Variants in FBXO5 observed in about 807,000 individuals in gnomAD.
FBXO5 encodes the protein F-box protein 5.
Under a neutral mutation model 43.3 loss-of-function variants are expected in FBXO5, and 8 were observed. The observed-to-expected ratio is 0.18, with a 90% CI of 0.11 to 0.33. The LOEUF (loss-of-function observed/expected upper bound fraction) is 0.33. Ranked by LOEUF, FBXO5 falls within the 10% of genes least tolerant of loss-of-function variation. The probability of loss-of-function intolerance (pLI) is 1.00; values close to 1 mark genes in which losing one functional copy is unlikely to be tolerated. For missense variants in FBXO5, 491 were observed against 535.7 expected (o/e 0.92, Z 0.82); for synonymous variants, 204 against 193.7 (o/e 1.05, Z -0.44).
rs1778112099 is a variant in FBXO5, at chr6:152,973,075, A to G, written c.880T>C (p.Leu294=). The G allele has an allele frequency of 6.2e-7, 1 of 1,613,956 alleles. No individual in the cohort carries two copies. The highest frequency in any genetic ancestry group is 1.3e-5 in the African/African-American group (1 of 75,028). Residue 294 remains leucine, a synonymous_variant, in exon 3 of 5, where the codon TTG becomes CTG. Coordinates refer to ENST00000229758, the MANE Select transcript of FBXO5 (RefSeq NM_012177.5). ...ILEDDKGAFQ[L]YSKAIQRVTE... ...ACTCTTTGTATTGCTTTACTGTACAACTGGAATGCCCCCTTATCATCTTCT... is the reference window on the plus strand; with the variant it reads ...ACTCTTTGTATTGCTTTACTGTACAGCTGGAATGCCCCCTTATCATCTTCT...
intron 2 of FBXO5, 84 bp downstream of exon 2, chr6:152,974,822 GC>G: frequency 9.6e-7 from 1 of 1,038,066 alleles, no homozygotes; most frequent in Non-Finnish European, 1.4e-6. Context: ...CTGTACAACA[GC>G]CTTTGCATGA....
At chr6:152,972,975 T>C (rs1335539733) in intron 3 of FBXO5, 71 bp downstream of exon 3, 20 of 1,271,136 alleles carry the variant, frequency 1.6e-5, no homozygotes, top group African/African-American at 4.4e-5. Context: ...AGATTACCTC[T>C]TTTCTTTTCT....
chr6:152,981,763 TTAAG>T (rs928651845), intron 1 of FBXO5, among the ~76,000 whole-genome samples: 10 of 152,082 alleles, frequency 6.6e-5, no homozygotes, highest in African/African-American at 1.9e-4. Flanking sequence ...AAAATTAAAA[TTAAG>T]TATTTTTTTC....
intron 3 of FBXO5, 124 bp from the exon 4 acceptor site, chr6:152,972,578 G>A (rs751135397): frequency 1.8e-5 from 12 of 678,928 alleles, no homozygotes; most frequent in South Asian, 6.8e-5. Context: ...ATCCCTACAT[G>A]CAATTTACCT....
intron 1 of FBXO5, among the ~76,000 whole-genome samples, chr6:152,982,302 A>G (rs570818669): frequency 1.3e-3 from 195 of 152,260 alleles, no homozygotes; most frequent in Non-Finnish European, 2.0e-3. Flanking sequence ...GGCGGGAGAT[A>G]ACCGCGAGCG....
chr6:152,976,297 C>T (rs1050848886), intron 1 of FBXO5, among the ~76,000 whole-genome samples: 13 of 152,186 alleles, frequency 8.5e-5, no homozygotes, highest in Admixed American at 8.5e-4. Flanking sequence ...ACTAATAACA[C>T]ATTTAAACAT....
At chr6:152,972,946 A>C in intron 3 of FBXO5, 100 bp downstream of exon 3, 1 of 832,644 alleles carries the variant, frequency 1.2e-6, no homozygotes, top group Non-Finnish European at 1.9e-6. Context: ...ATACTTTATG[A>C]CTGTAAAGAA....
At position 152,974,909 on chromosome 6, in the gene FBXO5, G is replaced by C. The variant is rs375619264; in HGVS notation, c.816C>G (p.Ile272Met). 4.4e-6 allele frequency: 7 copies of C among 1,585,414 alleles called. No individual in the cohort carries two copies. In the East Asian group the frequency reaches 6.7e-5, roughly 15 times the overall value. ...ILAQLSDMDL[I>M]NVSKVSTTWK... The stretch of plus-strand genomic sequence containing the variant: ...TGTATATTCAAAACAGTACTTACTT[G>C]ATTAAGTCCATGTCACTGAGTTGTG... Residue 272 changes from isoleucine (I) to methionine (M), a missense_variant and splice_region_variant, in exon 2 of 5, where the codon ATC becomes ATG. Ile to Met is a conservative substitution (Grantham distance 10). Transcript: ENST00000229758.
rs1778146738 is a variant in FBXO5, at chr6:152,975,164, G to GCCA, written c.560_561insTGG (p.Pro187_Asn188insGly). On this transcript the variant is annotated inframe_insertion, in exon 2 of 5. Transcript: ENST00000229758. The stretch of plus-strand genomic sequence containing the variant: ...GAAGAACTGGCAGCAAGTTTTTGTT[G>GCCA]GGATATTGGTCTGGGCTTTGTATTT... 1 of 1,613,976 alleles carries GCCA rather than the reference G, an allele frequency of 6.2e-7. No individual in the cohort carries two copies. The highest frequency in any genetic ancestry group is 8.5e-7 in the Non-Finnish European group (1 of 1,180,016).
At chr6:152,974,802 GACACTCA>G (rs1194018421) in intron 2 of FBXO5, 98 bp downstream of exon 2, 13 of 854,302 alleles carry the variant, frequency 1.5e-5, no homozygotes, top group Admixed American at 2.8e-5. Context: ...TCAGATGAGG[GACACTCA>G]ACCTGTACAA....
chr6:152,973,992 C>T (rs1355364346), intron 2 of FBXO5: 1 of 151,234 alleles, frequency 6.6e-6, no homozygotes, highest in Non-Finnish European at 1.5e-5. Flanking sequence ...AAAACAACTC[C>T]AGTTAAGTCC....
At position 152,972,435 on chromosome 6, in the gene FBXO5, G is replaced by GA. The variant is rs1385408031; in HGVS notation, c.928dup (p.Ser310PhefsTer41). 1 of 1,592,376 alleles carries GA rather than the reference G, an allele frequency of 6.3e-7. No individual in the cohort carries two copies. The highest frequency in any genetic ancestry group is 8.5e-7 in the Non-Finnish European group (1 of 1,171,828). On this transcript the variant is annotated frameshift_variant, in exon 4 of 5. Coordinates refer to ENST00000229758, the MANE Select transcript of FBXO5 (RefSeq NM_012177.5). LOFTEE classifies it high-confidence loss of function. ...ATATTCTCTGGTTGAAGCATGAGGTGAAAATTTATTGTTGTTTTCCTAATT... is the reference window on the plus strand; with the variant it reads ...ATATTCTCTGGTTGAAGCATGAGGTGAAAAATTTATTGTTGTTTTCCTAATT...
chr6:152,975,466 T>G lies in FBXO5; in HGVS notation c.259A>C (p.Ile87Leu), dbSNP rs772630990. The change falls in exon 2 of 5, where the codon ATT (isoleucine) becomes CTT (leucine). Residue 87 changes from isoleucine to leucine, a missense_variant. Physicochemically the swap from Ile to Leu is conservative, Grantham distance 5. Transcript: ENST00000229758. Reference protein sequence around the residue: ...AYLEGSCKDCIKDYERLSCIG... With the variant: ...AYLEGSCKDCLKDYERLSCIG... ...CATGACAGCCTTTCATAGTCTTTAA[T>G]GCAGTCTTTACAGGAACCTTCCAAA... is the stretch of plus-strand genomic sequence containing the variant. The G allele has an allele frequency of 3.1e-6, 5 of 1,614,106 alleles. No homozygotes were observed. The highest frequency in any genetic ancestry group is 4.2e-6 in the Non-Finnish European group (5 of 1,180,016).
chr6:152,974,832 G>T (rs1778138621), intron 2 of FBXO5, 75 bp downstream of exon 2: 2 of 1,138,808 alleles, frequency 1.8e-6, no homozygotes, highest in East Asian at 4.7e-5. Context: ...GCCTTTGCAT[G>T]AGCTGGTGGT....
Position 152,975,631 on chromosome 6 carries a change from GAACAT to G in FBXO5, c.104-15_104-11del. 6.5e-7 allele frequency: 1 copy of G among 1,544,494 alleles called. No individual in the cohort carries two copies. Among genetic ancestry groups the G allele is most frequent in the Non-Finnish European group, 8.7e-7 (1 of 1,149,480 alleles). On this transcript the variant is annotated splice_polypyrimidine_tract_variant and intron_variant, in intron 1 of 4. Transcript: ENST00000229758. The stretch of plus-strand genomic sequence containing the variant: ...CTTTCTTCTTTACAACCTATAAAAA[GAACAT>G]AACATTTACATCTTAATGGCAAAAT...
intron 1 of FBXO5, 151 bp from the exon 2 acceptor site, chr6:152,975,772 G>C: frequency 1.8e-6 from 1 of 569,616 alleles, no homozygotes; most frequent in Non-Finnish European, 3.1e-6. Flanking sequence ...TGTTATTCAA[G>C]TTTAATTATT....
At chr6:152,980,755 G>A (rs1778247784) in intron 1 of FBXO5, among the ~76,000 whole-genome samples, 2 of 152,148 alleles carry the variant, frequency 1.3e-5, no homozygotes, top group African/African-American at 4.8e-5. Flanking sequence ...TGGATATGAA[G>A]AAAAGGAGAG....
intron 1 of FBXO5, 144 bp downstream of exon 1, chr6:152,982,713 C>G: frequency 1.9e-6 from 1 of 526,254 alleles, no homozygotes; most frequent in East Asian, 3.5e-5. Flanking sequence ...ACCCAGGAAC[C>G]GCTGCCGCCG....
rs57467405 is a variant in FBXO5, at chr6:152,971,034, GAA to G, written c.*127_*128del. 6.5e-5 allele frequency: 55 copies of G among 842,036 alleles called. No homozygotes were observed. Among genetic ancestry groups the G allele is most frequent in the Non-Finnish European group, 8.6e-5 (50 of 583,284 alleles). The allele number at this position is 842,036 out of a possible 1,614,324, so 52.2% of individuals were successfully genotyped here. On this transcript the variant is annotated 3_prime_UTR_variant, in exon 5 of 5. Transcript: ENST00000229758. ...GTCTATCCTCTTTATCTTCTGGGGG[GAA>G]AAAAACCTCAGGATACTACACCGAT...
Sources: gnomAD v4.1 joint callset for allele counts (sites outside exome capture counted in the v4.1 genomes callset) on GRCh38, gnomAD v4.1.1 for gene constraint, MANE v1.5 for transcripts, NCBI Gene and HGNC (gene_info 2026-07-23, HGNC 2026-07-21) for gene names.